Variants in MAD1L1 observed in about 807,000 individuals in gnomAD.
The protein encoded by MAD1L1 is mitotic spindle assembly checkpoint protein MAD1.
MAD1L1 carries 95 observed loss-of-function variants against 96.9 expected under a neutral mutation model. That is an observed-to-expected ratio of 0.98 (90% CI 0.83 to 1.16). The LOEUF (loss-of-function observed/expected upper bound fraction) is 1.16, where lower values mean the gene tolerates loss of function less well. MAD1L1 is among the 50% of genes most tolerant of loss of function. The pLI is 0.00. For missense variants in MAD1L1, 1,007 were observed against 954.4 expected (o/e 1.06, Z -0.73); for synonymous variants, 473 against 396.6 (o/e 1.19, Z -2.29).
chr7:2,164,826 G>A (rs1047774466), intron 10 of MAD1L1, among the ~76,000 whole-genome samples: 5 of 152,166 alleles, frequency 3.3e-5, no homozygotes, highest in African/African-American at 1.2e-4. Flanking sequence ...AGCTAGAGCT[G>A]AGTGGCTCGC....
chr7:1,989,064 C>T (rs1443986542), intron 14 of MAD1L1, among the ~76,000 whole-genome samples: 1 of 152,232 alleles, frequency 6.6e-6, no homozygotes, highest in Non-Finnish European at 1.5e-5. Context: ...ACAAAACAAC[C>T]CATTTACAAA....
intron 10 of MAD1L1, among the ~76,000 whole-genome samples, chr7:2,185,165 A>T (rs1394431808): frequency 6.6e-6 from 1 of 151,976 alleles, no homozygotes; most frequent in Non-Finnish European, 1.5e-5. Context: ...TGCTCGGAGA[A>T]TCTCACTCTT....
At chr7:2,007,070 G>A (rs1782064558) in intron 13 of MAD1L1, among the ~76,000 whole-genome samples, 1 of 152,026 alleles carries the variant, frequency 6.6e-6, no homozygotes, top group South Asian at 2.1e-4. Context: ...AGAGGAATGG[G>A]AACTCCAGGA....
At position 1,920,233 on chromosome 7, in the gene MAD1L1, C is replaced by T. The variant is rs553043625; in HGVS notation, c.1807+16454G>A. On this transcript the variant is annotated intron_variant, in intron 17 of 18. Transcript: ENST00000265854. ...GCCAACTCCCTGTAACAAGCATCTC[C>T]GTGTGCGTGCGTGCGTGCGTGTGCA... Among the ~76,000 whole-genome samples, 12 of 152,294 alleles carry T rather than the reference C, an allele frequency of 7.9e-5. No homozygotes were observed. In the East Asian group the frequency reaches 1.5e-3, roughly 20 times the overall value.
At chr7:1,936,639 C>T in intron 17 of MAD1L1, 48 bp downstream of exon 17, 1 of 1,524,406 alleles carries the variant, frequency 6.6e-7, no homozygotes, top group Non-Finnish European at 8.8e-7. Context: ...GATGGACCTA[C>T]CCACGGAAGG....
At chr7:2,160,346 T>G (rs1403000505) in intron 10 of MAD1L1, among the ~76,000 whole-genome samples, 1 of 149,052 alleles carries the variant, frequency 6.7e-6, no homozygotes, top group Non-Finnish European at 1.5e-5. Context: ...TTTTTTTTTT[T>G]TTTTGAGACA....
At position 1,831,018 on chromosome 7, in the gene MAD1L1, G is replaced by A. The variant is rs529407234; in HGVS notation, c.1999-14790C>T. Among the ~76,000 whole-genome samples the A allele has an allele frequency of 1.6e-4, 24 of 152,370 alleles. No individual in the cohort carries two copies. In the East Asian group the frequency reaches 2.3e-3, roughly 15 times the overall value. Reference sequence around the variant, plus strand: ...AGAAGCACATTTTAACTATGAAGACGCAGTAGATTAAAAGTAACGTGAAGC... The same window carrying A: ...AGAAGCACATTTTAACTATGAAGACACAGTAGATTAAAAGTAACGTGAAGC... On this transcript the variant is annotated intron_variant, in intron 18 of 18. Transcript: ENST00000265854.
intron 17 of MAD1L1, among the ~76,000 whole-genome samples, chr7:1,909,803 G>A (rs1187417019): frequency 1.3e-5 from 2 of 152,222 alleles, no homozygotes; most frequent in African/African-American, 2.4e-5. Context: ...GGTACCAGAC[G>A]GCCCTTGAGA....
rs190876476 is a variant in MAD1L1, at chr7:1,996,790, C to T, written c.1416+5275G>A. Among the ~76,000 whole-genome samples, 58 of 152,084 alleles carry T rather than the reference C, an allele frequency of 3.8e-4. 1 individual carries two copies. The highest frequency in any genetic ancestry group is 3.4e-3 in the Middle Eastern group (1 of 294). ...GCTGCTTAATCAGAGCTGAGAGCGG[C>T]GTAATTCCCTCTGAATCGGAAAATA... On this transcript the variant is annotated intron_variant, in intron 14 of 18. Coordinates refer to ENST00000265854, the MANE Select transcript of MAD1L1 (RefSeq NM_001013836.2).
intron 12 of MAD1L1, among the ~76,000 whole-genome samples, chr7:2,060,258 CCGAGATACGCCGATG>C (rs1784590486): frequency 1.4e-5 from 2 of 143,762 alleles, no homozygotes; most frequent in South Asian, 4.5e-4. Context: ...TACGCCGATG[CCGAGATACGCCGATG>C]CCGAGATACG....
intron 12 of MAD1L1, among the ~76,000 whole-genome samples, chr7:2,019,607 C>T (rs1782690878): frequency 6.6e-6 from 1 of 152,234 alleles, no homozygotes. Context: ...AGGAGGGCCA[C>T]TTACGGCCAC....
At chr7:2,081,534 AC>A (rs1041749947) in intron 11 of MAD1L1, among the ~76,000 whole-genome samples, 14 of 152,142 alleles carry the variant, frequency 9.2e-5, no homozygotes, top group Non-Finnish European at 1.0e-4. Context: ...TCGGGCCGGA[AC>A]CCACCCCACA....
chr7:2,229,822 G>A (rs747750004), intron 3 of MAD1L1, among the ~76,000 whole-genome samples, 162 bp downstream of exon 3: 66 of 152,256 alleles, frequency 4.3e-4, no homozygotes, highest in Admixed American at 1.2e-3. Context: ...CTCCAGCTAC[G>A]ACCCCAAAAT....
chr7:1,972,044 G>T (rs767621401), intron 15 of MAD1L1, among the ~76,000 whole-genome samples: 1 of 152,134 alleles, frequency 6.6e-6, no homozygotes, highest in Non-Finnish European at 1.5e-5. Context: ...TATCAAAAAC[G>T]GGACAACTAA....
intron 11 of MAD1L1, among the ~76,000 whole-genome samples, chr7:2,144,224 C>T (rs956381921): frequency 2.0e-5 from 3 of 152,234 alleles, no homozygotes; most frequent in African/African-American, 7.2e-5. Context: ...CAGCTGGGAG[C>T]GTCTGTGAGG....
At chr7:1,969,331 A>C (rs1254538607) in intron 15 of MAD1L1, among the ~76,000 whole-genome samples, 1 of 152,138 alleles carries the variant, frequency 6.6e-6, no homozygotes, top group Non-Finnish European at 1.5e-5. Flanking sequence ...GCAGTGAGCC[A>C]AGATGGTGCC....
At chr7:2,053,810 G>A (rs1190108683) in intron 12 of MAD1L1, among the ~76,000 whole-genome samples, 1 of 152,202 alleles carries the variant, frequency 6.6e-6, no homozygotes, top group East Asian at 1.9e-4. Flanking sequence ...ACCATTAAGT[G>A]GACGCAGGCC....
chr7:1,910,251 G>A (rs980258244), intron 17 of MAD1L1, among the ~76,000 whole-genome samples: 6 of 152,130 alleles, frequency 3.9e-5, no homozygotes, highest in Non-Finnish European at 7.4e-5. Flanking sequence ...GAACCTTGGC[G>A]GAAGGAGGGA....
rs548282943 is a variant in MAD1L1, at chr7:1,974,790, G to A, written c.1505+5663C>T. Among the ~76,000 whole-genome samples the A allele has an allele frequency of 5.9e-5, 9 of 152,390 alleles. No homozygotes were observed. In the South Asian group the frequency reaches 1.2e-3, roughly 21 times the overall value. Reference sequence around the variant, plus strand: ...GAGACGCCAGAAGGAAAGGCCTGGAGTGCCCAATGCAGCGCACAGAGCAGG... The same window carrying A: ...GAGACGCCAGAAGGAAAGGCCTGGAATGCCCAATGCAGCGCACAGAGCAGG... On this transcript the variant is annotated intron_variant, in intron 15 of 18. Transcript: ENST00000265854.
Sources: gnomAD v4.1 joint callset for allele counts (sites outside exome capture counted in the v4.1 genomes callset) on GRCh38, gnomAD v4.1.1 for gene constraint, MANE v1.5 for transcripts, NCBI Gene and HGNC (gene_info 2026-07-23, HGNC 2026-07-21) for gene names.